Variants in IQCM observed in about 807,000 individuals in gnomAD.
IQCM encodes IQ domain-containing protein M.
In IQCM, 45 loss-of-function variants were observed where a neutral mutation model predicts 57.6. The ratio of observed to expected loss-of-function variants is 0.78; its 90% confidence interval spans 0.62 to 1.00. The LOEUF (loss-of-function observed/expected upper bound fraction) is 1.00, where lower values mean the gene tolerates loss of function less well. Among genes scored for constraint, IQCM ranks in the 50% least tolerant of loss-of-function variants. IQCM has a pLI of 0.00. For missense variants in IQCM, 468 were observed against 511.6 expected (o/e 0.91, Z 0.82); for synonymous variants, 148 against 158.9 (o/e 0.93, Z 0.51).
At chr4:149,416,441 C>T (rs1733754129) in intron 13 of IQCM, among the ~76,000 whole-genome samples, 1 of 152,044 alleles carries the variant, frequency 6.6e-6, no homozygotes, top group Non-Finnish European at 1.5e-5. Flanking sequence ...CAGGCATTTT[C>T]ATCTCTTTCA....
At chr4:149,788,735 G>A (rs939355845) in intron 2 of IQCM, among the ~76,000 whole-genome samples, 1 of 152,144 alleles carries the variant, frequency 6.6e-6, no homozygotes, top group Non-Finnish European at 1.5e-5. Context: ...CTAAGACAAA[G>A]AATCAACCTA....
intron 7 of IQCM, among the ~76,000 whole-genome samples, chr4:149,626,444 A>G (rs566639818): frequency 2.3e-4 from 27 of 119,310 alleles, no homozygotes; most frequent in Non-Finnish European, 4.1e-4. Context: ...TGCTATCTGA[A>G]GGAACCAGAA....
intron 8 of IQCM, among the ~76,000 whole-genome samples, chr4:149,596,152 G>T (rs1402915759): frequency 6.6e-6 from 1 of 152,142 alleles, no homozygotes; most frequent in Non-Finnish European, 1.5e-5. Flanking sequence ...GGAGGGAAAT[G>T]GATAGGGAGC....
intron 7 of IQCM, among the ~76,000 whole-genome samples, chr4:149,674,132 C>G (rs1222528097): frequency 6.6e-6 from 1 of 151,944 alleles, no homozygotes; most frequent in Non-Finnish European, 1.5e-5. Context: ...TACAATGAAA[C>G]AAAAACACAC....
chr4:149,352,601 C>T (rs1270738045), intron 13 of IQCM, among the ~76,000 whole-genome samples: 2 of 152,106 alleles, frequency 1.3e-5, no homozygotes, highest in African/African-American at 4.8e-5. Context: ...TCTGTGGATT[C>T]TCATATTCGA....
chr4:149,634,519 T>C (rs1234181099), intron 7 of IQCM, among the ~76,000 whole-genome samples: 2 of 152,238 alleles, frequency 1.3e-5, no homozygotes, highest in East Asian at 1.9e-4. Flanking sequence ...TATTCCTATA[T>C]ACATAGCACA....
chr4:149,536,513 C>T (rs1254166324), intron 12 of IQCM, among the ~76,000 whole-genome samples: 1 of 151,782 alleles, frequency 6.6e-6, no homozygotes, highest in African/African-American at 2.4e-5. Flanking sequence ...CAAATCCTAC[C>T]CTCTATCTAA....
At chr4:149,632,890 G>A (rs1037266571) in intron 7 of IQCM, among the ~76,000 whole-genome samples, 1 of 151,978 alleles carries the variant, frequency 6.6e-6, no homozygotes, top group Admixed American at 6.6e-5. Flanking sequence ...GGCCGGGCGC[G>A]GTGGCTCACG....
intron 2 of IQCM, among the ~76,000 whole-genome samples, chr4:149,770,703 A>G (rs1007409248): frequency 2.0e-5 from 3 of 152,076 alleles, no homozygotes; most frequent in African/African-American, 7.2e-5. Flanking sequence ...TTAGGGAAAA[A>G]CAAGTTTGAC....
At chr4:149,662,930 A>T (rs1760354551) in intron 7 of IQCM, among the ~76,000 whole-genome samples, 1 of 151,452 alleles carries the variant, frequency 6.6e-6, no homozygotes, top group East Asian at 1.9e-4. Context: ...ATAAGAACTT[A>T]CTCCTGCAAC....
intron 12 of IQCM, among the ~76,000 whole-genome samples, chr4:149,440,673 G>T (rs1171522121): frequency 6.6e-6 from 1 of 151,958 alleles, no homozygotes; most frequent in East Asian, 1.9e-4. Context: ...CGCTATTTCA[G>T]TAAAAAATGA....
chr4:149,753,430 A>G (rs76826730), intron 2 of IQCM, among the ~76,000 whole-genome samples: 17,146 of 152,204 alleles, frequency 0.11, 1,192 homozygotes, highest in South Asian at 0.18. Flanking sequence ...GTTCTTTCAA[A>G]AACTGTATAA....
At chr4:149,572,804 C>T (rs1002115244) in intron 9 of IQCM, among the ~76,000 whole-genome samples, 1 of 151,752 alleles carries the variant, frequency 6.6e-6, no homozygotes, top group African/African-American at 2.4e-5. Context: ...AATAAGGCAC[C>T]ATTTTTCACT....
intron 13 of IQCM, among the ~76,000 whole-genome samples, chr4:149,375,273 C>T (rs1730633083): frequency 6.6e-6 from 1 of 152,118 alleles, no homozygotes; most frequent in Non-Finnish European, 1.5e-5. Flanking sequence ...AAACTACATT[C>T]AGCTGCTATT....
intron 2 of IQCM, among the ~76,000 whole-genome samples, chr4:149,812,769 CT>C (rs1366092608): frequency 6.6e-6 from 1 of 152,150 alleles, no homozygotes; most frequent in Non-Finnish European, 1.5e-5. Context: ...ACTACTTACT[CT>C]CGGCCTTCAG....
intron 12 of IQCM, among the ~76,000 whole-genome samples, chr4:149,501,590 A>G (rs1743244823): frequency 6.6e-6 from 1 of 152,240 alleles, no homozygotes; most frequent in Admixed American, 6.5e-5. Flanking sequence ...AGGGTCCACC[A>G]ACAAAAAAAC....
At chr4:149,585,001 G>A (rs1010033535) in intron 9 of IQCM, among the ~76,000 whole-genome samples, 2 of 151,648 alleles carry the variant, frequency 1.3e-5, no homozygotes, top group African/African-American at 4.8e-5. Flanking sequence ...AAAAAATACT[G>A]CTGAGTGGGT....
intron 12 of IQCM, among the ~76,000 whole-genome samples, chr4:149,488,590 C>T (rs1218538866): frequency 6.6e-6 from 1 of 152,088 alleles, no homozygotes; most frequent in African/African-American, 2.4e-5. Flanking sequence ...AGGTTGTATA[C>T]ATCGATTACA....
chr4:149,425,026 C>A (rs140263395), intron 13 of IQCM, among the ~76,000 whole-genome samples: 2 of 152,006 alleles, frequency 1.3e-5, no homozygotes, highest in East Asian at 3.9e-4. Flanking sequence ...CATTCAGTAG[C>A]TGCATGACTT....
Sources: gnomAD v4.1 joint callset for allele counts (sites outside exome capture counted in the v4.1 genomes callset) on GRCh38, gnomAD v4.1.1 for gene constraint, MANE v1.5 for transcripts, NCBI Gene and HGNC (gene_info 2026-07-23, HGNC 2026-07-21) for gene names.